ACSL5: variants seen among roughly 807,000 people sequenced by gnomAD.
ACSL5 encodes long-chain-fatty-acid--CoA ligase 5.
In ACSL5, 50 loss-of-function variants were observed where a neutral mutation model predicts 84.9. The ratio of observed to expected loss-of-function variants is 0.59; its 90% CI spans 0.47 to 0.75. The LOEUF (loss-of-function observed/expected upper bound fraction) is 0.75, where lower values mean the gene tolerates loss of function less well. ACSL5 is among the 30% of genes least tolerant of loss of function. The pLI is 0.00. For synonymous variants in ACSL5, 280 were observed against 300.7 expected, an observed-to-expected ratio of 0.93 and a Z score of 0.71; for missense variants, 775 against 830.4, an observed-to-expected ratio of 0.93 and a Z score of 0.82.
At chr10:112,421,047 T>C (rs1844448573) in intron 14 of ACSL5, among the ~76,000 whole-genome samples, 1 of 151,868 alleles carries the variant, frequency 6.6e-6, no homozygotes, top group South Asian at 2.1e-4. Flanking sequence ...CATATAAAGT[T>C]CTATGCTTTG....
chr10:112,376,204 C>A, intron 1 of ACSL5: 1 of 1,466,740 alleles, frequency 6.8e-7, no homozygotes, highest in Non-Finnish European at 9.2e-7. Context: ...AAATTAAAAC[C>A]AGGAAGTGAA....
At position 112,410,653 on chromosome 10, in the gene ACSL5, T is replaced by C. The variant is rs377493965; in HGVS notation, c.796+18T>C. 1.2e-5 allele frequency: 19 copies of C among 1,610,486 alleles called. No individual in the cohort carries two copies. The African/African-American group carries it at 2.4e-4, about 20-fold the overall frequency. ...GACCACAGGTCTGTGCCCATGAAAC[T>C]GAACCTTAGACCCCTGGTCAGCCAA... On this transcript the variant is annotated intron_variant, in intron 9 of 20. Coordinates refer to ENST00000354655, the MANE Select transcript of ACSL5 (RefSeq NM_203379.2).
intron 15 of ACSL5, 111 bp downstream of exon 15, chr10:112,421,776 T>G: frequency 7.3e-7 from 1 of 1,364,280 alleles, no homozygotes; most frequent in Non-Finnish European, 1.0e-6. Flanking sequence ...ATGTGGCAAA[T>G]GCAAAATTCA....
Position 112,425,430 on chromosome 10 carries a change from C to T in ACSL5, c.1686C>T (p.Tyr562=), listed in dbSNP as rs747054417. 1.9e-6 allele frequency: 3 copies of T among 1,613,336 alleles called. No homozygotes were observed. The highest frequency in any genetic ancestry group is 2.2e-5 in the South Asian group (2 of 90,988). The part of the protein sequence containing the change: ...YIAPEKIENI[Y]NRSQPVLQIF... ...CACCAGAGAAGATAGAAAATATCTA[C>T]AACAGGAGTCAACCAGTGTTACAAA... The change falls in exon 18 of 21, where the codon TAC becomes TAT. Residue 562 remains tyrosine, a synonymous_variant. Coordinates refer to ENST00000354655, the MANE Select transcript of ACSL5 (RefSeq NM_203379.2).
chr10:112,389,703 CT>C (rs1302391204), intron 1 of ACSL5, among the ~76,000 whole-genome samples: 1 of 152,082 alleles, frequency 6.6e-6, no homozygotes, highest in African/African-American at 2.4e-5. Flanking sequence ...AGGAGGGTGA[CT>C]TTTTTCCCCC....
chr10:112,417,168 C>G (rs952210013), intron 13 of ACSL5, 146 bp downstream of exon 13: 5 of 525,140 alleles, frequency 9.5e-6, no homozygotes, highest in Non-Finnish European at 1.5e-5. Flanking sequence ...TGAGATCTTT[C>G]TTGTACCACT....
intron 12 of ACSL5, among the ~76,000 whole-genome samples, chr10:112,416,256 G>A (rs911003982): frequency 2.6e-5 from 4 of 152,046 alleles, no homozygotes; most frequent in Admixed American, 1.3e-4. Flanking sequence ...CAGATCACGA[G>A]GTCAGGAGAT....
At position 112,398,946 on chromosome 10, in the gene ACSL5, A is replaced by C; in HGVS notation, c.202A>C (p.Ser68Arg). The stretch of plus-strand genomic sequence containing the variant: ...TTCCCAGAAGAACAATGACCTAACA[A>C]GTTGCTGCTTCTCAGATGCCAAGAC... ...GVSQKNNDLT[S>R]CCFSDAKTMY... is the part of the protein sequence containing the mutation. Residue 68 changes from serine (S) to arginine (R), a missense_variant, in exon 3 of 21, where the codon AGT becomes CGT. Transcript: ENST00000354655. The C allele has an allele frequency of 6.2e-7, 1 of 1,614,070 alleles. No homozygotes were observed. Among genetic ancestry groups the C allele is most frequent in the Non-Finnish European group, 8.5e-7 (1 of 1,179,984 alleles).
At chr10:112,425,562 G>C in intron 18 of ACSL5, 81 bp downstream of exon 18, 1 of 1,167,800 alleles carries the variant, frequency 8.6e-7, no homozygotes, top group East Asian at 2.8e-5. Context: ...TGTATAGTTG[G>C]GTTCAGAATG....
At chr10:112,397,947 A>T (rs1441484791) in intron 2 of ACSL5, among the ~76,000 whole-genome samples, 1 of 152,116 alleles carries the variant, frequency 6.6e-6, no homozygotes, top group Non-Finnish European at 1.5e-5. Context: ...TATACATATC[A>T]TCTCTCCTCC....
At chr10:112,395,132 C>T (rs750000314) in intron 2 of ACSL5, 30 bp downstream of exon 2, 2 of 1,596,892 alleles carry the variant, frequency 1.3e-6, no homozygotes, top group South Asian at 2.2e-5. Context: ...TTTAGTTTGT[C>T]AACCTTCCTC....
chr10:112,402,254 C>T (rs755918046), intron 3 of ACSL5, among the ~76,000 whole-genome samples: 1 of 152,200 alleles, frequency 6.6e-6, no homozygotes, highest in Admixed American at 6.5e-5. Flanking sequence ...AGGCATGAGC[C>T]ACTGTGCCCA....
intron 16 of ACSL5, 62 bp from the exon 17 acceptor site, chr10:112,422,263 A>C: frequency 7.0e-7 from 1 of 1,425,432 alleles, no homozygotes; most frequent in Non-Finnish European, 9.8e-7. Flanking sequence ...TGTTTCATAA[A>C]CTGCCCACGC....
intron 1 of ACSL5, among the ~76,000 whole-genome samples, chr10:112,383,335 C>A (rs1030707894): frequency 2.0e-5 from 3 of 152,156 alleles, no homozygotes; most frequent in Admixed American, 2.0e-4. Flanking sequence ...TAAAATAAGG[C>A]CCTTCCCATC....
At chr10:112,407,949 C>T (rs558387024) in intron 5 of ACSL5, among the ~76,000 whole-genome samples, 21 of 152,208 alleles carry the variant, frequency 1.4e-4, no homozygotes, top group Admixed American at 1.2e-3. Context: ...CCTTTCTTAT[C>T]TCCCTTATTT....
intron 1 of ACSL5, among the ~76,000 whole-genome samples, chr10:112,381,665 CA>C (rs35097669): frequency 0.3 from 31,065 of 104,496 alleles, 4,208 homozygotes; most frequent in East Asian, 0.54. Context: ...GAGACTGTCT[CA>C]AAAAAAAAAA....
At chr10:112,426,418 T>G in intron 19 of ACSL5, 59 bp downstream of exon 19, 1 of 1,418,818 alleles carries the variant, frequency 7.0e-7, no homozygotes. Context: ...GAGGAGAGGA[T>G]GCCTCACCAG....
intron 19 of ACSL5, chr10:112,426,560 G>T (rs745839225): frequency 2.1e-5 from 13 of 619,810 alleles, no homozygotes; most frequent in Non-Finnish European, 3.4e-5. Context: ...TGTGGGAAAA[G>T]ATTGGGAAAG....
chr10:112,378,179 T>TACACAGTA (rs1456920664), intron 1 of ACSL5, among the ~76,000 whole-genome samples: 2 of 146,882 alleles, frequency 1.4e-5, no homozygotes, highest in Non-Finnish European at 3.0e-5. Context: ...GAAGTACCAG[T>TACACAGTA]ACACAGTAGG....
Sources: gnomAD v4.1 joint callset for allele counts (sites outside exome capture counted in the v4.1 genomes callset) on GRCh38, gnomAD v4.1.1 for gene constraint, MANE v1.5 for transcripts, NCBI Gene and HGNC (gene_info 2026-07-23, HGNC 2026-07-21) for gene names.